The following PHIP variants were observed in gnomAD, a reference collection of about 807,000 sequenced individuals.
PHIP encodes the protein PH-interacting protein.
Under a neutral mutation model 236.8 loss-of-function variants are expected in PHIP, and 54 were observed. That is an observed-to-expected ratio of 0.23 (90% CI 0.18 to 0.29). PHIP has a LOEUF of 0.29. Ranked by LOEUF, PHIP falls within the 10% of genes least tolerant of loss-of-function variation. PHIP has a pLI of 1.00. For missense variants in PHIP, 1,370 were observed against 2,190.8 expected (o/e 0.63, Z 7.48); for synonymous variants, 756 against 718.9 (o/e 1.05, Z -0.83).
intron 6 of PHIP, among the ~76,000 whole-genome samples, chr6:79,059,461 ACAT>A (rs1178205254): frequency 3.3e-5 from 5 of 151,648 alleles, no homozygotes; most frequent in Admixed American, 2.0e-4. Context: ...AAACCCAAGT[ACAT>A]CAATGATTAT....
rs1262091155 is a variant in PHIP at position 78,937,491 on chromosome 6, G to A, written c.*3202C>T. The A allele has an allele frequency of 6.6e-6, 1 of 151,612 alleles. No homozygotes were observed. The highest frequency in any genetic ancestry group is 2.4e-5 in the African/African-American group (1 of 41,380). 9.4% of individuals were successfully genotyped at this position (151,612 alleles called of 1,614,324 possible). Reference sequence around the variant, plus strand: ...CATAAAGATATTTTCTCTGATTACTGTATCTTATGTAATTCATTTCCAAGT... The same window carrying A: ...CATAAAGATATTTTCTCTGATTACTATATCTTATGTAATTCATTTCCAAGT... On this transcript the variant is annotated 3_prime_UTR_variant, in exon 40 of 40. Transcript: ENST00000275034.
chr6:79,075,598 T>C (rs959646706), intron 4 of PHIP, among the ~76,000 whole-genome samples: 6 of 100,588 alleles, frequency 6.0e-5, no homozygotes, highest in African/African-American at 2.4e-4. Context: ...AAAAATTAAA[T>C]TAACTCAAAA....
At chr6:78,964,432 T>C (rs1159186997) in intron 29 of PHIP, among the ~76,000 whole-genome samples, 2 of 152,190 alleles carry the variant, frequency 1.3e-5, no homozygotes, top group African/African-American at 4.8e-5. Context: ...TGTTAGAAAT[T>C]AGATGTTTTC....
Position 78,954,462 on chromosome 6 carries a change from C to T in PHIP, c.4053+352G>A, listed in dbSNP as rs80157972. 4.3e-3 allele frequency among the ~76,000 whole-genome samples: 656 copies of T among 152,022 alleles called. 2 individuals carry two copies. The highest frequency in any genetic ancestry group is 0.014 in the African/African-American group (596 of 41,460). On this transcript the variant is annotated intron_variant, in intron 35 of 39. Transcript: ENST00000275034. ...CTCCATAATCCTGTAAGGACGTAGG[C>T]ATTATTCTTTTTTTCTAGATAATTG...
intron 35 of PHIP, 109 bp downstream of exon 35, chr6:78,954,704 AT>A (rs1766297092): frequency 1.4e-6 from 1 of 700,376 alleles, no homozygotes; most frequent in African/African-American, 1.9e-5. Context: ...CATGTATAAA[AT>A]AATAAAGAAA....
intron 7 of PHIP, among the ~76,000 whole-genome samples, chr6:79,035,868 C>A (rs1436147837): frequency 1.3e-5 from 2 of 152,034 alleles, no homozygotes; most frequent in East Asian, 3.9e-4. Flanking sequence ...TGTTTCATTT[C>A]CCTTACAAAT....
chr6:78,947,003 T>C (rs1322127737), intron 36 of PHIP, 129 bp from the exon 37 acceptor site: 1 of 532,022 alleles, frequency 1.9e-6, no homozygotes, highest in African/African-American at 2.0e-5. Flanking sequence ...TTACATCCCT[T>C]TTTCCTAATC....
chr6:79,027,118 C>T (rs966241266), intron 7 of PHIP, among the ~76,000 whole-genome samples: 1 of 152,008 alleles, frequency 6.6e-6, no homozygotes, highest in African/African-American at 2.4e-5. Context: ...CTCAGAGGAC[C>T]TATGGAGGCA....
intron 6 of PHIP, among the ~76,000 whole-genome samples, chr6:79,055,329 AC>A (rs1773015299): frequency 6.6e-6 from 1 of 152,030 alleles, no homozygotes; most frequent in Non-Finnish European, 1.5e-5. Context: ...AATCTTAAAA[AC>A]CCCTTTAATG....
At chr6:79,030,835 T>C (rs1233213390) in intron 7 of PHIP, among the ~76,000 whole-genome samples, 1 of 152,216 alleles carries the variant, frequency 6.6e-6, no homozygotes, top group Non-Finnish European at 1.5e-5. Context: ...AAATTTAAAA[T>C]CTTTTTTATA....
chr6:78,982,761 C>A, intron 23 of PHIP, 125 bp downstream of exon 23: 1 of 604,066 alleles, frequency 1.7e-6, no homozygotes, highest in Non-Finnish European at 2.8e-6. Context: ...CTGTGTATTT[C>A]TGAGTTTTTT....
At chr6:79,073,595 T>C (rs974039444) in intron 4 of PHIP, among the ~76,000 whole-genome samples, 1 of 152,156 alleles carries the variant, frequency 6.6e-6, no homozygotes, top group Non-Finnish European at 1.5e-5. Flanking sequence ...AAGTTGTCTC[T>C]AGGTTTTATA....
At chr6:79,013,694 C>T (rs935130663) in intron 15 of PHIP, among the ~76,000 whole-genome samples, 3 of 151,600 alleles carry the variant, frequency 2.0e-5, no homozygotes, top group East Asian at 1.9e-4. Context: ...GGAAAATTCA[C>T]CTTTATATAA....
intron 6 of PHIP, among the ~76,000 whole-genome samples, chr6:79,055,680 G>C (rs541765675): frequency 6.6e-6 from 1 of 152,178 alleles, no homozygotes; most frequent in Non-Finnish European, 1.5e-5. Flanking sequence ...CTGAGTTCTA[G>C]TTCAATTTTC....
intron 35 of PHIP, among the ~76,000 whole-genome samples, chr6:78,950,555 G>A (rs1360474474): frequency 1.3e-5 from 2 of 152,184 alleles, no homozygotes; most frequent in Non-Finnish European, 2.9e-5. Context: ...CATACTGGGT[G>A]AGTTGTGGTA....
At chr6:78,951,975 A>G (rs1774185897) in intron 35 of PHIP, among the ~76,000 whole-genome samples, 1 of 152,226 alleles carries the variant, frequency 6.6e-6, no homozygotes, top group Non-Finnish European at 1.5e-5. Context: ...GAGCAGTCTC[A>G]GGTCTCCTCC....
Position 78,941,100 on chromosome 6 carries a change from G to A in PHIP, c.5059C>T (p.Leu1687Phe). ...AGAAAATTGCATGTTGAAGAAGGAAGTACTTCATCTCTGATGGGATGCACA... is the reference window on the plus strand; with the variant it reads ...AGAAAATTGCATGTTGAAGAAGGAAATACTTCATCTCTGATGGGATGCACA... ...NNVHPIRDEV[L>F]PSSTCNFLSE... is the part of the protein sequence containing the mutation. Residue 1687 changes from leucine (L) to phenylalanine (F), a missense_variant, in exon 40 of 40, where the codon CTT becomes TTT. Physicochemically the swap from Leu to Phe is conservative, Grantham distance 22 (BLOSUM62 0). Around this residue, in one of 14 missense-constraint regions of PHIP, gnomAD observed 309 missense variants for 328.3 expected, o/e 0.94. Transcript: ENST00000275034. The A allele has an allele frequency of 6.2e-7, 1 of 1,613,636 alleles. No individual in the cohort carries two copies. The highest frequency in any genetic ancestry group is 8.5e-7 in the Non-Finnish European group (1 of 1,179,570).
intron 10 of PHIP, 66 bp downstream of exon 10, chr6:79,019,023 C>T (rs1259866890): frequency 8.6e-6 from 9 of 1,050,182 alleles, no homozygotes; most frequent in Non-Finnish European, 1.2e-5. Flanking sequence ...CTAAATATTA[C>T]ACACTCCACT....
At chr6:78,968,092 G>A (rs936273675) in intron 27 of PHIP, among the ~76,000 whole-genome samples, 31 of 152,148 alleles carry the variant, frequency 2.0e-4, no homozygotes, top group African/African-American at 7.0e-4. Context: ...CCAAGATCAC[G>A]GCACTGCACT....
Sources: allele counts gnomAD v4.1 joint callset (sites outside exome capture counted in the v4.1 genomes callset), GRCh38; gene constraint gnomAD v4.1.1; regional missense constraint gnomAD v4.1.1; transcripts MANE v1.5; gene names NCBI Gene and HGNC (gene_info 2026-07-23, HGNC 2026-07-21).